The following ATR variants were observed in gnomAD, a reference collection of about 807,000 sequenced individuals.
ATR encodes serine/threonine-protein kinase ATR.
ATR carries 142 observed loss-of-function variants against 305.3 expected under a neutral mutation model. The observed-to-expected ratio is 0.47, with a 90% CI of 0.41 to 0.53. The LOEUF (loss-of-function observed/expected upper bound fraction) is 0.53, where lower values mean the gene tolerates loss of function less well. Among genes scored for constraint, ATR ranks in the 20% least tolerant of loss-of-function variants. The pLI is 0.00. For missense variants in ATR, 2,135 were observed against 3,133.1 expected (o/e 0.68, Z 7.60); for synonymous variants, 1,050 against 1,068.1 (o/e 0.98, Z 0.33).
rs2071226773 is a variant in ATR at position 142,470,194 on chromosome 3, A to G, written c.6222-11T>C. The stretch of plus-strand genomic sequence containing the variant: ...CCATATTGTAGAGATCTGCAATTAT[A>G]TAGACAAGAAACACTATTAGCATAG... On this transcript the variant is annotated splice_polypyrimidine_tract_variant and intron_variant, in intron 36 of 46. Transcript: ENST00000350721. 3.8e-6 allele frequency: 6 copies of G among 1,559,806 alleles called. No homozygotes were observed. Among genetic ancestry groups the G allele is most frequent in the Non-Finnish European group, 5.3e-6 (6 of 1,133,706 alleles).
chr3:142,502,429 C>G (rs189037203), intron 30 of ATR, among the ~76,000 whole-genome samples: 240 of 125,098 alleles, frequency 1.9e-3, no homozygotes, highest in African/African-American at 5.8e-3. Flanking sequence ...TACACATGGA[C>G]ACAAAAATGG....
chr3:142,576,447 T>C (rs145200950), intron 1 of ATR, among the ~76,000 whole-genome samples: 114 of 152,206 alleles, frequency 7.5e-4, no homozygotes, highest in Middle Eastern at 6.8e-3. Flanking sequence ...CAGCACAGAT[T>C]AAAAGAGGGC....
intron 3 of ATR, among the ~76,000 whole-genome samples, chr3:142,565,758 A>G (rs1232377453): frequency 6.8e-6 from 1 of 146,562 alleles, no homozygotes; most frequent in African/African-American, 2.5e-5. Context: ...AAAAAAAAAA[A>G]GGAAACAAAA....
At chr3:142,506,619 G>A (rs933306973) in intron 28 of ATR, among the ~76,000 whole-genome samples, 1 of 152,148 alleles carries the variant, frequency 6.6e-6, no homozygotes, top group Admixed American at 6.5e-5. Flanking sequence ...CCTGGGAGGT[G>A]GAGGTTGCAG....
At chr3:142,574,509 ACTT>A (rs570202319) in intron 1 of ATR, among the ~76,000 whole-genome samples, 111 of 151,786 alleles carry the variant, frequency 7.3e-4, no homozygotes, top group African/African-American at 2.5e-3. Flanking sequence ...AGGAGTGAGC[ACTT>A]CTTATTTTGT....
Position 142,453,939 on chromosome 3 carries a change from G to A in ATR, c.7656-706C>T, listed in dbSNP as rs116199234. ...GCAATAAACCTCTAACTAGTTTTCT[G>A]GCTGTTGGCCCAAACTAGGACCCTA... On this transcript the variant is annotated intron_variant, in intron 45 of 46. Coordinates refer to ENST00000350721, the MANE Select transcript of ATR (RefSeq NM_001184.4). Among the ~76,000 whole-genome samples the A allele has an allele frequency of 3.5e-3, 528 of 152,224 alleles. 1 individual carries two copies. Among genetic ancestry groups the A allele is most frequent in the Non-Finnish European group, 5.8e-3 (396 of 68,008 alleles).
rs56661838 is a variant in ATR, at chr3:142,558,523, AAAAT to A, written c.1885+97_1885+100del. On this transcript the variant is annotated intron_variant, in intron 8 of 46. Transcript: ENST00000350721. ...GGCGACAGAGTAAGACTCCGTCTCA[AAAAT>A]AAATAAATAAATAAATAAATAAATA... is the stretch of plus-strand genomic sequence containing the variant. 0.37 allele frequency: 270,289 copies of A among 726,146 alleles called. 55,247 individuals carry two copies. The highest frequency in any genetic ancestry group is 0.39 in the Non-Finnish European group (214,649 of 551,542). The allele number at this position is 726,146 out of a possible 1,614,324, so 45.0% of individuals were successfully genotyped here.
At position 142,469,561 on chromosome 3, in the gene ATR, A is replaced by C. The variant is rs767568796; in HGVS notation, c.6328T>G (p.Ser2110Ala). The C allele has an allele frequency of 1.2e-6, 2 of 1,612,258 alleles. No homozygotes were observed. The highest frequency in any genetic ancestry group is 3.3e-5 in the Admixed American group (2 of 59,956). Residue 2110 changes from serine (S) to alanine (A), a missense_variant, in exon 38 of 47, where the codon TCC becomes GCC. Transcript: ENST00000350721. ...TCATTCCTCATTTGTACACGATCGG[A>C]GCGGCCAGCTGGGGGAAGAAATAAG... ...KAYEWEKAGRSDRVQMRNDLG... is the reference protein window; with the variant it reads ...KAYEWEKAGRADRVQMRNDLG...
intron 19 of ATR, 89 bp from the exon 20 acceptor site, chr3:142,536,290 TA>T (rs2033859088): frequency 4.4e-6 from 4 of 909,024 alleles, no homozygotes; most frequent in Non-Finnish European, 7.1e-6. Flanking sequence ...AAGGCCAATT[TA>T]ATTCATAATT....
At chr3:142,451,630 A>G (rs1478900181) in intron 46 of ATR, 6 of 1,250,186 alleles carry the variant, frequency 4.8e-6, no homozygotes, top group Non-Finnish European at 6.1e-6. Context: ...CCCAGGCTGG[A>G]GTGCAGTGGT....
intron 37 of ATR, 73 bp downstream of exon 37, chr3:142,470,012 TG>T (rs2071223035): frequency 8.4e-7 from 1 of 1,186,096 alleles, no homozygotes; most frequent in South Asian, 1.3e-5. Flanking sequence ...GAAATTAGAC[TG>T]TCCAGCCAAA....
At chr3:142,450,725 G>A (rs894214601) in intron 46 of ATR, 296 of 1,560,012 alleles carry the variant, frequency 1.9e-4, no homozygotes, top group African/African-American at 1.6e-3. Flanking sequence ...AAAGAACTAC[G>A]GGGAATGAAG....
In ATR at chr3:142,553,933, A is replaced by C; in HGVS notation, c.2424T>G (p.Thr808=). The change falls in exon 11 of 47, where the codon ACT becomes ACG. Residue 808 remains threonine, a synonymous_variant. Coordinates refer to ENST00000350721, the MANE Select transcript of ATR (RefSeq NM_001184.4). ...DETDVKAVLG[T]LLNLMEDPDK... ...CTGGATCTTCCATTAAATTTAATAA[A>C]GTTCCAAGAACTGCTTTTACATCTG... The C allele has an allele frequency of 6.2e-7, 1 of 1,611,844 alleles. No individual in the cohort carries two copies. The highest frequency in any genetic ancestry group is 8.5e-7 in the Non-Finnish European group (1 of 1,178,850).
In ATR at chr3:142,558,786, C is replaced by T. The variant is rs2108478116; in HGVS notation, c.1733-10G>A. Reference sequence around the variant, plus strand: ...TCAAATGAACTGTTTACTACAGAAGCACAAAATAAGTCATTAATTATAACT... The same window carrying T: ...TCAAATGAACTGTTTACTACAGAAGTACAAAATAAGTCATTAATTATAACT... On this transcript the variant is annotated splice_polypyrimidine_tract_variant and intron_variant, in intron 7 of 46. Coordinates refer to ENST00000350721, the MANE Select transcript of ATR (RefSeq NM_001184.4). 1 of 1,599,526 alleles carries T rather than the reference C, an allele frequency of 6.3e-7. No homozygotes were observed. Among genetic ancestry groups the T allele is most frequent in the Non-Finnish European group, 8.6e-7 (1 of 1,169,262 alleles).
rs1224859808 is a variant in ATR, at chr3:142,519,785, C to T, written c.4267-1G>A. 1.3e-6 allele frequency: 2 copies of T among 1,584,776 alleles called. No homozygotes were observed. Among genetic ancestry groups the T allele is most frequent in the Admixed American group, 3.3e-5 (2 of 59,948 alleles). On this transcript the variant is annotated splice_acceptor_variant, in intron 23 of 46. Coordinates refer to ENST00000350721, the MANE Select transcript of ATR (RefSeq NM_001184.4). LOFTEE classifies it high-confidence loss of function. ...TACAGTCATAAATAGAAAGCAACTC[C>T]TACAAATACATATTTTACATTTGTA...
At chr3:142,558,290 G>A (rs1250300539) in intron 8 of ATR, among the ~76,000 whole-genome samples, 2 of 151,902 alleles carry the variant, frequency 1.3e-5, no homozygotes, top group Non-Finnish European at 2.9e-5. Context: ...TAGAAGGCTG[G>A]GGCAGGTGGA....
At chr3:142,568,246 TCA>T in intron 1 of ATR, 92 bp from the exon 2 acceptor site, 1 of 908,954 alleles carries the variant, frequency 1.1e-6, no homozygotes, top group Non-Finnish European at 1.8e-6. Flanking sequence ...TCAAATGTGT[TCA>T]GTGTCAATGT....
At position 142,578,697 on chromosome 3, in the gene ATR, T is replaced by A. The variant is rs757635344; in HGVS notation, c.8A>T (p.Glu3Val). 6.2e-7 allele frequency: 1 copy of A among 1,613,174 alleles called. No individual in the cohort carries two copies. Among genetic ancestry groups the A allele is most frequent in the South Asian group, 1.1e-5 (1 of 90,694 alleles). MG[E>V]HGLELASMIP... The stretch of plus-strand genomic sequence containing the variant: ...CATGGAAGCCAGCTCCAGGCCATGT[T>A]CCCCCATGCTGAGGCTGCGAGGCAC... The change falls in exon 1 of 47, where the codon GAA (glutamate) becomes GTA (valine). Residue 3 changes from glutamate to valine, a missense_variant. Physicochemically the swap from Glu to Val is moderately radical, Grantham distance 121 (BLOSUM62 -2). Around this residue, in one of 9 missense-constraint regions of ATR, gnomAD observed 744 missense variants for 873.2 expected, o/e 0.85. Transcript: ENST00000350721.
At chr3:142,551,753 T>C (rs983634658) in intron 13 of ATR, among the ~76,000 whole-genome samples, 1 of 152,158 alleles carries the variant, frequency 6.6e-6, no homozygotes, top group Non-Finnish European at 1.5e-5. Flanking sequence ...CCTCAGGCTA[T>C]AGGCACAGGC....
Sources: allele counts gnomAD v4.1 joint callset (sites outside exome capture counted in the v4.1 genomes callset), GRCh38; gene constraint gnomAD v4.1.1; regional missense constraint gnomAD v4.1.1; transcripts MANE v1.5; gene names NCBI Gene and HGNC (gene_info 2026-07-23, HGNC 2026-07-21).